CNOT6: variants seen among roughly 807,000 people sequenced by gnomAD.
The protein encoded by CNOT6 is CCR4-NOT transcription complex subunit 6.
A neutral mutation model predicts 61.2 loss-of-function variants in CNOT6; 12 were observed. That is an observed-to-expected ratio of 0.20 (90% CI 0.13 to 0.32). The LOEUF is 0.32. CNOT6 is among the 10% of genes least tolerant of loss of function. The pLI, the probability that CNOT6 is intolerant of heterozygous loss-of-function variation, is 1.00. For synonymous variants in CNOT6, 225 were observed against 240.6 expected, an observed-to-expected ratio of 0.94 and a Z score of 0.60; for missense variants, 405 against 663.9, an observed-to-expected ratio of 0.61 and a Z score of 4.28.
In CNOT6 at chr5:180,576,807, C is replaced by T. The variant is rs1761018587; in HGVS notation, c.*2607C>T. On this transcript the variant is annotated 3_prime_UTR_variant, in exon 12 of 12. Transcript: ENST00000261951. ...TATAATCCCTAAAATGCAATAAAAA[C>T]TAGTATGTTTTCACGGTGTATATTT... 6.6e-6 allele frequency: 1 copy of T among 152,036 alleles called. No individual in the cohort carries two copies. The highest frequency in any genetic ancestry group is 2.4e-5 in the African/African-American group (1 of 41,388). The allele number at this position is 152,036 out of a possible 1,614,324, so 9.4% of individuals were successfully genotyped here.
chr5:180,559,620 G>A (rs912092245), intron 4 of CNOT6, among the ~76,000 whole-genome samples: 2 of 152,108 alleles, frequency 1.3e-5, no homozygotes, highest in Non-Finnish European at 2.9e-5. Flanking sequence ...GGTGTAAGTC[G>A]TAAGTCTGCC....
In CNOT6 at chr5:180,521,037, G is replaced by T. The variant is rs1428017806; in HGVS notation, c.-2-8238G>T. ...TTTTTGTATTTTTGGTAGAGACAGGGTTTCATCGTGTTGCTGGTCACGAAC... is the reference window on the plus strand; with the variant it reads ...TTTTTGTATTTTTGGTAGAGACAGGTTTTCATCGTGTTGCTGGTCACGAAC... On this transcript the variant is annotated intron_variant, in intron 1 of 11. Coordinates refer to ENST00000261951, the MANE Select transcript of CNOT6 (RefSeq NM_001370472.1). 3.3e-5 allele frequency among the ~76,000 whole-genome samples: 5 copies of T among 151,904 alleles called. No individual in the cohort carries two copies. The East Asian group carries it at 9.7e-4, about 30-fold the overall frequency.
intron 1 of CNOT6, among the ~76,000 whole-genome samples, chr5:180,496,631 G>GT (rs1184799286): frequency 6.6e-6 from 1 of 152,144 alleles, no homozygotes; most frequent in African/African-American, 2.4e-5. Flanking sequence ...GAGCCCAGGT[G>GT]TTTGAGACCA....
At chr5:180,510,246 C>T (rs898859982) in intron 1 of CNOT6, among the ~76,000 whole-genome samples, 1 of 141,074 alleles carries the variant, frequency 7.1e-6, no homozygotes, top group Non-Finnish European at 1.5e-5. Flanking sequence ...CACGCTATAG[C>T]CTCAAACTCC....
At chr5:180,566,420 T>G (rs148546477) in intron 7 of CNOT6, among the ~76,000 whole-genome samples, 2 of 152,186 alleles carry the variant, frequency 1.3e-5, no homozygotes, top group African/African-American at 2.4e-5. Flanking sequence ...ACATGTTACT[T>G]TCTGCCCAAG....
At chr5:180,573,210 G>A (rs1351705149) in intron 11 of CNOT6, among the ~76,000 whole-genome samples, 1 of 152,196 alleles carries the variant, frequency 6.6e-6, no homozygotes, top group East Asian at 1.9e-4. Flanking sequence ...AGAGCATGTA[G>A]AGGGGAGGAC....
intron 2 of CNOT6, 89 bp downstream of exon 2, chr5:180,529,477 T>A: frequency 1.4e-6 from 1 of 725,344 alleles, no homozygotes; most frequent in Non-Finnish European, 2.4e-6. Flanking sequence ...AAAGAAACAT[T>A]GATTTTATAT....
intron 2 of CNOT6, chr5:180,534,701 C>T (rs1329651331): frequency 4.9e-5 from 6 of 121,456 alleles, no homozygotes; most frequent in Admixed American, 2.4e-4. Flanking sequence ...TGGCATGGGC[C>T]GGAGTCCCTG....
At chr5:180,501,408 A>T (rs1253181792) in intron 1 of CNOT6, among the ~76,000 whole-genome samples, 2 of 152,208 alleles carry the variant, frequency 1.3e-5, no homozygotes, top group Admixed American at 6.5e-5. Flanking sequence ...GGACGAGGAA[A>T]GTAGAATAGT....
At chr5:180,518,589 G>A (rs1311368570) in intron 1 of CNOT6, among the ~76,000 whole-genome samples, 3 of 152,298 alleles carry the variant, frequency 2.0e-5, no homozygotes, top group African/African-American at 7.2e-5. Context: ...TGTGATTGTA[G>A]CTCACTGTAG....
At chr5:180,566,016 A>G in intron 7 of CNOT6, 39 bp downstream of exon 7, 1 of 1,559,552 alleles carries the variant, frequency 6.4e-7, no homozygotes, top group Non-Finnish European at 8.7e-7. Flanking sequence ...GCATTGATAA[A>G]GGAAGGAGCA....
At chr5:180,553,620 C>A (rs1007556955) in intron 4 of CNOT6, 149 bp downstream of exon 4, 21 of 618,084 alleles carry the variant, frequency 3.4e-5, no homozygotes, top group Non-Finnish European at 5.1e-5. Flanking sequence ...ATGGTTTTAT[C>A]TTCTCTGTTC....
In CNOT6 at chr5:180,577,653, C is replaced by G. The variant is rs559626660; in HGVS notation, c.*3453C>G. 2 of 152,610 alleles carry G rather than the reference C, an allele frequency of 1.3e-5. No homozygotes were observed. Among genetic ancestry groups the G allele is most frequent in the African/African-American group, 4.8e-5 (2 of 41,448 alleles). 9.5% of individuals were successfully genotyped at this position (152,610 alleles called of 1,614,324 possible). A position where few individuals can be genotyped will look rare whatever the true frequency, so the allele number is the denominator to read the frequency against. On this transcript the variant is annotated 3_prime_UTR_variant, in exon 12 of 12. Transcript: ENST00000261951. ...GAAGTAGTGTCTAAAAGTATCTAGT[C>G]TTTATTCACAGTACATTATATTGTG...
chr5:180,531,283 G>A (rs192264321), intron 2 of CNOT6, among the ~76,000 whole-genome samples: 24,628 of 149,706 alleles, frequency 0.16, 2,208 homozygotes, highest in Non-Finnish European at 0.19. Flanking sequence ...TGGCCGGTCA[G>A]AGACGCTTCT....
intron 2 of CNOT6, among the ~76,000 whole-genome samples, chr5:180,546,111 G>A (rs993583205): frequency 1.3e-5 from 2 of 151,884 alleles, no homozygotes; most frequent in African/African-American, 4.8e-5. Context: ...GGCCAGGATG[G>A]TCTCGATGTC....
intron 1 of CNOT6, among the ~76,000 whole-genome samples, chr5:180,515,570 T>C (rs1050590651): frequency 6.6e-6 from 1 of 152,030 alleles, no homozygotes; most frequent in Non-Finnish European, 1.5e-5. Flanking sequence ...AGGAAGGTAA[T>C]CGATGGCAGT....
rs1167546288 is a variant in CNOT6, at chr5:180,574,385, A to T, written c.*185A>T. ...TAGCAACAGACAAATTCTGAGCCCAATATGCTTTATACTGCTAGACAGGGA... is the reference window on the plus strand; with the variant it reads ...TAGCAACAGACAAATTCTGAGCCCATTATGCTTTATACTGCTAGACAGGGA... On this transcript the variant is annotated 3_prime_UTR_variant, in exon 12 of 12. Coordinates refer to ENST00000261951, the MANE Select transcript of CNOT6 (RefSeq NM_001370472.1). The T allele has an allele frequency of 3.3e-6, 2 of 609,348 alleles. No homozygotes were observed. Among genetic ancestry groups the T allele is most frequent in the Non-Finnish European group, 5.8e-6 (2 of 342,630 alleles). 37.7% of individuals were successfully genotyped at this position (609,348 alleles called of 1,614,324 possible). A position where few individuals can be genotyped will look rare whatever the true frequency, so the allele number is the denominator to read the frequency against.
chr5:180,556,650 G>C (rs1409893245), intron 4 of CNOT6, among the ~76,000 whole-genome samples: 1 of 152,116 alleles, frequency 6.6e-6, no homozygotes, highest in Non-Finnish European at 1.5e-5. Flanking sequence ...TCTAAGTTTT[G>C]CTATTTTAAG....
chr5:180,496,436 C>G (rs901826073), intron 1 of CNOT6, among the ~76,000 whole-genome samples: 1 of 152,018 alleles, frequency 6.6e-6, no homozygotes. Flanking sequence ...GCGACCTAAT[C>G]GCTAGAGGTT....
Sources: gnomAD v4.1 joint callset for allele counts (sites outside exome capture counted in the v4.1 genomes callset) on GRCh38, gnomAD v4.1.1 for gene constraint, MANE v1.5 for transcripts, NCBI Gene and HGNC (gene_info 2026-07-23, HGNC 2026-07-21) for gene names.